The following IL7 variants were observed in gnomAD, a reference collection of about 807,000 sequenced individuals.
The protein encoded by IL7 is interleukin-7.
IL7 carries 3 observed loss-of-function variants against 21.6 expected under a neutral mutation model. That is an observed-to-expected ratio of 0.14 (90% CI 0.06 to 0.36). IL7 has a LOEUF of 0.36. Ranked by LOEUF, IL7 falls within the 10% of genes least tolerant of loss-of-function variation. The probability of loss-of-function intolerance (pLI) is 1.00; values close to 1 mark genes in which losing one functional copy is unlikely to be tolerated. For synonymous variants in IL7, 62 were observed against 68.1 expected (o/e 0.91, Z 0.44); for missense variants, 175 against 200.2 (o/e 0.87, Z 0.76).
intron 4 of IL7, among the ~76,000 whole-genome samples, chr8:78,682,798 T>G (rs534641380): frequency 6.6e-6 from 1 of 152,316 alleles, no homozygotes; most frequent in Admixed American, 6.5e-5. Flanking sequence ...GCAAGTTTCT[T>G]CTGCCTGTGA....
chr8:78,746,615 A>T (rs530689194), intron 2 of IL7, among the ~76,000 whole-genome samples: 1 of 152,286 alleles, frequency 6.6e-6, no homozygotes, highest in African/African-American at 2.4e-5. Context: ...TGTAAGGTGG[A>T]GTATCTTTGT....
intron 2 of IL7, among the ~76,000 whole-genome samples, chr8:78,754,055 A>G (rs1170719352): frequency 6.6e-6 from 1 of 152,198 alleles, no homozygotes; most frequent in Non-Finnish European, 1.5e-5. Context: ...CAGGGCAATC[A>G]GGCAAGAGAA....
At chr8:78,698,518 G>A (rs1021433939) in intron 3 of IL7, 1 of 1,571,846 alleles carries the variant, frequency 6.4e-7, no homozygotes, top group African/African-American at 1.4e-5. Flanking sequence ...TGCAGGGTAA[G>A]TCTACACTGG....
intron 3 of IL7, among the ~76,000 whole-genome samples, chr8:78,709,971 A>G (rs1297915459): frequency 1.3e-5 from 2 of 152,158 alleles, no homozygotes; most frequent in African/African-American, 4.8e-5. Context: ...CCTACAAGGT[A>G]CCTAGTAAGC....
chr8:78,712,137 T>C, intron 3 of IL7: 1 of 1,215,420 alleles, frequency 8.2e-7, no homozygotes, highest in Non-Finnish European at 1.1e-6. Context: ...TTGGTTAATA[T>C]TTTTCAGATA....
At chr8:78,746,414 G>C (rs893298451) in intron 2 of IL7, among the ~76,000 whole-genome samples, 4 of 152,198 alleles carry the variant, frequency 2.6e-5, no homozygotes, top group African/African-American at 7.2e-5. Context: ...TTCTCCACAG[G>C]CTTTCTTCAA....
At chr8:78,747,993 G>A (rs1812041534) in intron 2 of IL7, among the ~76,000 whole-genome samples, 1 of 152,156 alleles carries the variant, frequency 6.6e-6, no homozygotes, top group African/African-American at 2.4e-5. Flanking sequence ...AATAGTATAG[G>A]TGACTACTTT....
At chr8:78,683,996 G>T (rs1454920388) in intron 4 of IL7, among the ~76,000 whole-genome samples, 1 of 152,148 alleles carries the variant, frequency 6.6e-6, no homozygotes, top group Non-Finnish European at 1.5e-5. Context: ...CCTGGACTTT[G>T]TTGTCCATAT....
intron 3 of IL7, among the ~76,000 whole-genome samples, chr8:78,693,404 A>AT (rs1309459318): frequency 1.3e-5 from 2 of 152,174 alleles, no homozygotes; most frequent in African/African-American, 2.4e-5. Flanking sequence ...TTGTTTCCTG[A>AT]TTTTTTAATT....
At chr8:78,698,613 T>A (rs1483271070) in intron 3 of IL7, 4 of 887,836 alleles carry the variant, frequency 4.5e-6, no homozygotes, top group Non-Finnish European at 6.4e-6. Flanking sequence ...CTTCATTTCC[T>A]AAGTTCATTT....
At chr8:78,697,717 T>C (rs1293077540) in intron 3 of IL7, among the ~76,000 whole-genome samples, 2 of 151,848 alleles carry the variant, frequency 1.3e-5, no homozygotes, top group Non-Finnish European at 2.9e-5. Flanking sequence ...CTTGCTCTGT[T>C]GCCCAGGTTT....
intron 2 of IL7, among the ~76,000 whole-genome samples, chr8:78,770,811 G>A (rs984185719): frequency 1.3e-5 from 2 of 152,026 alleles, no homozygotes; most frequent in Non-Finnish European, 2.9e-5. Context: ...TGTCTATCCA[G>A]TGATTATATA....
intron 2 of IL7, chr8:78,760,691 CT>C: frequency 1.9e-6 from 3 of 1,585,010 alleles, no homozygotes; most frequent in Non-Finnish European, 2.6e-6. Flanking sequence ...TGTTGGGACA[CT>C]TAGGGTTTCT....
chr8:78,746,254 G>A (rs1811974674), intron 2 of IL7, among the ~76,000 whole-genome samples: 1 of 152,148 alleles, frequency 6.6e-6, no homozygotes, highest in Non-Finnish European at 1.5e-5. Context: ...GCCTAACCGG[G>A]AGCTTCTAGT....
chr8:78,787,917 G>A (rs1278858545), intron 2 of IL7, among the ~76,000 whole-genome samples: 2 of 152,188 alleles, frequency 1.3e-5, no homozygotes, highest in Admixed American at 6.5e-5. Flanking sequence ...ACATCAAAGT[G>A]TTGGCAGGGT....
At chr8:78,786,425 G>T (rs1813512039) in intron 2 of IL7, among the ~76,000 whole-genome samples, 1 of 152,190 alleles carries the variant, frequency 6.6e-6, no homozygotes, top group African/African-American at 2.4e-5. Flanking sequence ...AGAACTGCAA[G>T]TTGCTCTGGA....
intron 2 of IL7, chr8:78,760,513 C>A: frequency 6.5e-7 from 1 of 1,537,370 alleles, no homozygotes; most frequent in Non-Finnish European, 8.7e-7. Flanking sequence ...GCTCAGCTGA[C>A]AGCGTGTCAG....
chr8:78,802,447 T>G (rs1814099686), intron 1 of IL7, among the ~76,000 whole-genome samples: 1 of 151,942 alleles, frequency 6.6e-6, no homozygotes, highest in Admixed American at 6.6e-5. Flanking sequence ...TTTTTTTTTT[T>G]TGATATGGAG....
downstream of IL7, among the ~76,000 whole-genome samples, chr8:78,713,149 G>T (rs1296285005): frequency 6.6e-6 from 1 of 152,072 alleles, no homozygotes; most frequent in African/African-American, 2.4e-5. Context: ...ATTCATATGA[G>T]CTGTTAACAG....
Sources: allele counts gnomAD v4.1 joint callset (sites outside exome capture counted in the v4.1 genomes callset), GRCh38; gene constraint gnomAD v4.1.1; transcripts MANE v1.5; gene names NCBI Gene and HGNC (gene_info 2026-07-23, HGNC 2026-07-21).